DCTN1: variants seen among roughly 807,000 people sequenced by gnomAD.
The protein encoded by DCTN1 is dynactin subunit 1.
A neutral mutation model predicts 161.2 loss-of-function variants in DCTN1; 61 were observed. The observed-to-expected ratio is 0.38, with a 90% CI of 0.31 to 0.47. DCTN1 has a LOEUF of 0.47. DCTN1 is among the 20% of genes least tolerant of loss of function. DCTN1 has a pLI of 0.99. For missense variants in DCTN1, 1,404 were observed against 1,623.7 expected, an observed-to-expected ratio of 0.86 and a Z score of 2.33; for synonymous variants, 653 against 632.4, an observed-to-expected ratio of 1.03 and a Z score of -0.49.
chr2:74,378,069 A>G lies in DCTN1; in HGVS notation c.210T>C (p.Asp70=), dbSNP rs768731062. ...VILDEAKGKN[D]GTVQGRKYFT... ...AGTACTTCCTGCCTTGAACAGTTCC[A>G]TCATTTTTGCCCTTTGCTTCATCCA... Residue 70 remains aspartate (D), a synonymous_variant, in exon 2 of 32, where the codon GAT becomes GAC. Transcript: ENST00000628224. 15 of 1,614,228 alleles carry G rather than the reference A, an allele frequency of 9.3e-6. 1 individual carries two copies. The South Asian group carries it at 1.5e-4, about 17-fold the overall frequency.
chr2:74,365,340 AG>A (rs1438240288), intron 25 of DCTN1, 99 bp from the exon 26 acceptor site: 5 of 1,566,526 alleles, frequency 3.2e-6, no homozygotes, highest in Non-Finnish European at 4.4e-6. Flanking sequence ...GCCAGTGAGA[AG>A]CCAGGGCAGA....
At position 74,365,992 on chromosome 2, in the gene DCTN1, A is replaced by T. The variant is rs1331651963; in HGVS notation, c.2787T>A (p.Ala929=). The stretch of plus-strand genomic sequence containing the variant: ...CATCTGTGATCTCTGCACGAAGGGC[A>T]GCAGCCCGCAGTTCAACCGGTGGAG... ...SKPPPVELRA[A]ALRAEITDAE... is the part of the protein sequence containing the mutation. Residue 929 remains alanine (A), a synonymous_variant, in exon 24 of 32, where the codon GCT becomes GCA. Coordinates refer to ENST00000628224, the MANE Select transcript of DCTN1 (RefSeq NM_004082.5). 1 of 1,614,142 alleles carries T rather than the reference A, an allele frequency of 6.2e-7. No homozygotes were observed.
At chr2:74,375,883 A>T (rs1345763901) in intron 5 of DCTN1, among the ~76,000 whole-genome samples, 3 of 152,150 alleles carry the variant, frequency 2.0e-5, no homozygotes, top group African/African-American at 7.2e-5. Flanking sequence ...CACAGCCCCA[A>T]TCCAGCAGCT....
intron 1 of DCTN1, among the ~76,000 whole-genome samples, chr2:74,388,176 G>A (rs1231841764): frequency 1.3e-5 from 2 of 149,938 alleles, no homozygotes; most frequent in Non-Finnish European, 2.9e-5. Flanking sequence ...CAGCCTGGTT[G>A]ACAGAGCAAG....
intron 16 of DCTN1, chr2:74,368,379 C>G (rs973672796): frequency 1.6e-6 from 1 of 623,956 alleles, no homozygotes; most frequent in Non-Finnish European, 2.8e-6. Flanking sequence ...AAGGTCTTTC[C>G]TGACTTAAAG....
At chr2:74,371,198 G>T (rs1235611199) in intron 8 of DCTN1, 22 bp from the exon 9 acceptor site, 2 of 1,611,986 alleles carry the variant, frequency 1.2e-6, no homozygotes, top group East Asian at 4.5e-5. Flanking sequence ...AGGCCTCACG[G>T]TCTGTGCACA....
rs757238618 is a variant in DCTN1, at chr2:74,370,974, C to A, written c.843+5G>T. On this transcript the variant is annotated splice_donor_5th_base_variant and intron_variant, in intron 9 of 31. Transcript: ENST00000628224. This position sits in a 1 kb window ranked among gnomAD's most constrained non-coding sequence, Gnocchi z 4.4. ...CCCAGCCACCCCCTTCATCCAGAGT[C>A]AAACCTTTCTCGCCTCCTTGAGGCG... 6.2e-6 allele frequency: 10 copies of A among 1,613,724 alleles called. No individual in the cohort carries two copies. Among genetic ancestry groups the A allele is most frequent in the African/African-American group, 1.3e-5 (1 of 74,948 alleles).
At chr2:74,384,766 C>T (rs1675657198), upstream of DCTN1, among the ~76,000 whole-genome samples, 2 of 152,220 alleles carry the variant, frequency 1.3e-5, no homozygotes, top group Admixed American at 6.5e-5. Context: ...AAACCTTGAT[C>T]CTGGGCTAAC....
chr2:74,369,902 T>A lies in DCTN1; in HGVS notation c.1392+63A>T. The A allele has an allele frequency of 6.6e-7, 1 of 1,526,678 alleles. No homozygotes were observed. Among genetic ancestry groups the A allele is most frequent in the Admixed American group, 1.7e-5 (1 of 58,998 alleles). 94.6% of individuals were successfully genotyped at this position (1,526,678 alleles called of 1,614,324 possible). On this transcript the variant is annotated intron_variant, in intron 13 of 31. Transcript: ENST00000628224. The surrounding 1 kb of genome is among the most constrained non-coding windows in gnomAD (Gnocchi z 4.9). The stretch of plus-strand genomic sequence containing the variant: ...GCACACCCTGCTCAAAGGCCAAGGG[T>A]CACATGTCAATCTTTTTCTCAGCAG...
At position 74,362,726 on chromosome 2, in the gene DCTN1, G is replaced by A. The variant is rs775442446; in HGVS notation, c.3533C>T (p.Ala1178Val). The A allele has an allele frequency of 1.1e-5, 17 of 1,613,936 alleles. No individual in the cohort carries two copies. Among genetic ancestry groups the A allele is most frequent in the Non-Finnish European group, 1.4e-5 (17 of 1,179,984 alleles). The change falls in exon 30 of 32, where the codon GCC becomes GTC. Residue 1178 changes from alanine (A) to valine (V), a missense_variant. Around this residue, in one of 9 missense-constraint regions of DCTN1, gnomAD observed 311 missense variants for 298.9 expected, o/e 1.04. Coordinates refer to ENST00000628224, the MANE Select transcript of DCTN1 (RefSeq NM_004082.5). ...CATAAGTTGGGCCGACGGGCTCTTG[G>A]CAGCTGTGGGGAGAGAAAGCTGGTG... The part of the protein sequence containing the change: ...VVDITRTSPA[A>V]KSPSAQLMEQ...
chr2:74,386,408 G>A (rs1435876524), intron 1 of DCTN1, among the ~76,000 whole-genome samples: 1 of 152,200 alleles, frequency 6.6e-6, no homozygotes, highest in Non-Finnish European at 1.5e-5. Context: ...AAAATCACAT[G>A]AGAATGCCTG....
At position 74,367,763 on chromosome 2, in the gene DCTN1, A is replaced by C. The variant is rs1558938357; in HGVS notation, c.2117T>G (p.Leu706Arg). 6.2e-7 allele frequency: 1 copy of C among 1,614,054 alleles called. No individual in the cohort carries two copies. Among genetic ancestry groups the C allele is most frequent in the Non-Finnish European group, 8.5e-7 (1 of 1,180,044 alleles). The change falls in exon 18 of 32, where the codon CTG becomes CGG. Residue 706 changes from leucine (L) to arginine (R), a missense_variant. This residue lies in a region of DCTN1 where 475 missense variants were observed against 489.8 expected (regional missense o/e 0.97). Transcript: ENST00000628224. ...AGTCTCATCCAGCTGATCCTTGTGC[A>C]GCAGTTCAATGAGGAAATCCAAGGA... is the stretch of plus-strand genomic sequence containing the variant. The part of the protein sequence containing the change: ...ERSLDFLIEL[L>R]HKDQLDETVN...
Position 74,370,331 on chromosome 2 carries a change from G to T in DCTN1, c.1142C>A (p.Ser381Tyr). ...KDALVRMRDL[S>Y]SSEKQEHVKL... Reference sequence around the variant, plus strand: ...CACATGCTCCTGCTTCTCTGAGGAAGAAAGATCCCGCATCCTGCAGGGATG... The same window carrying T: ...CACATGCTCCTGCTTCTCTGAGGAATAAAGATCCCGCATCCTGCAGGGATG... The change falls in exon 12 of 32, where the codon TCT becomes TAT. Residue 381 changes from serine to tyrosine, a missense_variant. Coordinates refer to ENST00000628224, the MANE Select transcript of DCTN1 (RefSeq NM_004082.5). This position sits in a 1 kb window ranked among gnomAD's most constrained non-coding sequence, Gnocchi z 4.4. 1 of 1,614,030 alleles carries T rather than the reference G, an allele frequency of 6.2e-7. No individual in the cohort carries two copies. The highest frequency in any genetic ancestry group is 8.5e-7 in the Non-Finnish European group (1 of 1,180,050).
chr2:74,373,446 GA>G (rs1675016222), intron 6 of DCTN1: 1 of 213,272 alleles, frequency 4.7e-6, no homozygotes, highest in Non-Finnish European at 9.6e-6. Context: ...TCTAAGCCCA[GA>G]AATGGGAGAT....
At position 74,361,419 on chromosome 2, in the gene DCTN1, G is replaced by A; in HGVS notation, c.*80C>T. On this transcript the variant is annotated 3_prime_UTR_variant, in exon 32 of 32. Coordinates refer to ENST00000628224, the MANE Select transcript of DCTN1 (RefSeq NM_004082.5). ...GCTTAACCCACGTTTCTACCTGGGG[G>A]CTGGCTGAGGTGGCTGTGCATCGGG... 1.2e-6 allele frequency: 2 copies of A among 1,600,750 alleles called. No homozygotes were observed. The highest frequency in any genetic ancestry group is 1.7e-6 in the Non-Finnish European group (2 of 1,171,894).
intron 18 of DCTN1, 79 bp from the exon 19 acceptor site, chr2:74,367,499 T>C (rs1203834469): frequency 4.6e-6 from 7 of 1,536,698 alleles, no homozygotes; most frequent in Non-Finnish European, 6.3e-6. Flanking sequence ...GTTTGAGCCC[T>C]GGTCATCATG....
chr2:74,362,778 T>G, intron 29 of DCTN1, 49 bp from the exon 30 acceptor site: 1 of 1,569,722 alleles, frequency 6.4e-7, no homozygotes, highest in South Asian at 1.1e-5. Flanking sequence ...AGGCAGGCAG[T>G]TCTACTGGAT....
rs1673958141 is a variant in DCTN1, at chr2:74,361,243, C to T, written c.*256G>A. ...CTTTGGTGGTGGGGTCTCAGCCTAC[C>T]CCCCACAAGCCCTGAGGCCCCTCAG... On this transcript the variant is annotated 3_prime_UTR_variant, in exon 32 of 32. Coordinates refer to ENST00000628224, the MANE Select transcript of DCTN1 (RefSeq NM_004082.5). 2 of 634,398 alleles carry T rather than the reference C, an allele frequency of 3.2e-6. No individual in the cohort carries two copies. The highest frequency in any genetic ancestry group is 1.8e-5 in the African/African-American group (1 of 55,826). The allele number at this position is 634,398 out of a possible 1,614,324, so 39.3% of individuals were successfully genotyped here. A position where few individuals can be genotyped will look rare whatever the true frequency, so the allele number is the denominator to read the frequency against.
chr2:74,380,125 G>C lies in DCTN1; in HGVS notation c.-88C>G. 6.8e-7 allele frequency: 1 copy of C among 1,462,190 alleles called. No individual in the cohort carries two copies. Among genetic ancestry groups the C allele is most frequent in the South Asian group, 1.1e-5 (1 of 87,660 alleles). 90.6% of individuals were successfully genotyped at this position (1,462,190 alleles called of 1,614,324 possible). ...CCTAGGCAGGAGGGTCAGGGCGCTG[G>C]GCCCTCATAGAGGGACACAGGAGTC... On this transcript the variant is annotated 5_prime_UTR_variant, in exon 1 of 32. Coordinates refer to ENST00000628224, the MANE Select transcript of DCTN1 (RefSeq NM_004082.5).
Sources: allele counts gnomAD v4.1 joint callset (sites outside exome capture counted in the v4.1 genomes callset), GRCh38; gene constraint gnomAD v4.1.1; regional missense constraint gnomAD v4.1.1; non-coding constraint Gnocchi (gnomAD v3.1); transcripts MANE v1.5; gene names NCBI Gene and HGNC (gene_info 2026-07-23, HGNC 2026-07-21).